Variants in PTPRK observed in about 807,000 individuals in gnomAD.
PTPRK encodes protein tyrosine phosphatase receptor type K.
Under a neutral mutation model 178.0 loss-of-function variants are expected in PTPRK, and 75 were observed. That is an observed-to-expected ratio of 0.42 (90% CI 0.35 to 0.51). The LOEUF is 0.51. PTPRK is among the 20% of genes least tolerant of loss of function. The pLI, the probability that PTPRK is intolerant of heterozygous loss-of-function variation, is 0.02. For missense variants in PTPRK, 1,441 were observed against 1,797.8 expected (o/e 0.80, Z 3.59); for synonymous variants, 637 against 620.6 (o/e 1.03, Z -0.39).
chr6:128,332,391 G>A (rs1830390286), intron 2 of PTPRK, among the ~76,000 whole-genome samples: 1 of 152,080 alleles, frequency 6.6e-6, no homozygotes, highest in Admixed American at 6.5e-5. Flanking sequence ...TTTATCCTGG[G>A]CAAATAATTT....
chr6:128,288,396 T>C (rs1373910585), intron 3 of PTPRK, among the ~76,000 whole-genome samples: 1 of 152,194 alleles, frequency 6.6e-6, no homozygotes, highest in African/African-American at 2.4e-5. Context: ...CCCCATTTCA[T>C]GTGAAAATAT....
intron 22 of PTPRK, among the ~76,000 whole-genome samples, chr6:127,984,701 T>C (rs1445391386): frequency 6.6e-6 from 1 of 152,230 alleles, no homozygotes; most frequent in African/African-American, 2.4e-5. Context: ...TCTCTTAAAC[T>C]CACTGTTCTT....
intron 21 of PTPRK, among the ~76,000 whole-genome samples, chr6:127,989,808 A>G (rs1179782380): frequency 1.6e-5 from 2 of 123,884 alleles, no homozygotes; most frequent in Non-Finnish European, 3.4e-5. Flanking sequence ...TTCTTCAGAG[A>G]TTCTAGTTTT....
chr6:128,292,310 A>T (rs956074432), intron 3 of PTPRK, among the ~76,000 whole-genome samples: 44 of 152,232 alleles, frequency 2.9e-4, no homozygotes, highest in African/African-American at 1.0e-3. Flanking sequence ...TATTGTAAAC[A>T]TAAATCTTCT....
intron 1 of PTPRK, among the ~76,000 whole-genome samples, chr6:128,494,843 T>C (rs1854425324): frequency 6.6e-6 from 1 of 152,340 alleles, no homozygotes; most frequent in African/African-American, 2.4e-5. Context: ...ATTAAAACTG[T>C]CATAACGCCC....
At chr6:128,158,432 T>C (rs981710891) in intron 7 of PTPRK, among the ~76,000 whole-genome samples, 3 of 151,822 alleles carry the variant, frequency 2.0e-5, no homozygotes, top group African/African-American at 7.3e-5. Flanking sequence ...AAAGTATCTA[T>C]AAGGAAATGA....
At chr6:128,439,915 CTA>C (rs1168053895) in intron 1 of PTPRK, among the ~76,000 whole-genome samples, 1 of 152,220 alleles carries the variant, frequency 6.6e-6, no homozygotes, top group Admixed American at 6.5e-5. Flanking sequence ...ATATCCCACC[CTA>C]TCTTTTCCTT....
chr6:128,274,276 GAATAC>G (rs1820377258), intron 3 of PTPRK, among the ~76,000 whole-genome samples: 1 of 152,054 alleles, frequency 6.6e-6, no homozygotes, highest in Non-Finnish European at 1.5e-5. Flanking sequence ...CTACAACACA[GAATAC>G]AGGGTTTACT....
chr6:128,381,440 T>C (rs1019959577), intron 2 of PTPRK, among the ~76,000 whole-genome samples: 1 of 152,148 alleles, frequency 6.6e-6, no homozygotes, highest in African/African-American at 2.4e-5. Flanking sequence ...TAATTCCTAA[T>C]GAGCTACTGA....
intron 18 of PTPRK, 41 bp downstream of exon 18, chr6:127,995,421 A>G (rs552180143): frequency 6.7e-7 from 1 of 1,486,042 alleles, no homozygotes; most frequent in East Asian, 2.3e-5. Flanking sequence ...TCATATATAT[A>G]AGCCAATAAA....
At chr6:128,214,338 A>G (rs546230784) in intron 6 of PTPRK, among the ~76,000 whole-genome samples, 1 of 152,198 alleles carries the variant, frequency 6.6e-6, no homozygotes, top group South Asian at 2.1e-4. Flanking sequence ...TAGTATGGTA[A>G]CACCCTTCTC....
intron 2 of PTPRK, among the ~76,000 whole-genome samples, chr6:128,326,798 T>C (rs1829638604): frequency 6.6e-6 from 1 of 152,142 alleles, no homozygotes; most frequent in Admixed American, 6.5e-5. Flanking sequence ...GTACAGTTTC[T>C]GAGAGTTCTA....
At chr6:128,456,530 G>A (rs748372550) in intron 1 of PTPRK, among the ~76,000 whole-genome samples, 8 of 150,234 alleles carry the variant, frequency 5.3e-5, no homozygotes, top group Non-Finnish European at 1.0e-4. Context: ...AAAAAAGGAA[G>A]GCAAAGTACC....
chr6:128,228,710 TA>T (rs1199184164), intron 5 of PTPRK, among the ~76,000 whole-genome samples: 96 of 143,948 alleles, frequency 6.7e-4, no homozygotes, highest in Admixed American at 1.5e-3. Flanking sequence ...TTTTCTAAAA[TA>T]AAAAAAAAGT....
At chr6:128,020,528 T>C (rs1233409715) in intron 13 of PTPRK, among the ~76,000 whole-genome samples, 3 of 152,172 alleles carry the variant, frequency 2.0e-5, no homozygotes, top group African/African-American at 7.2e-5. Context: ...ATCCAGGTAC[T>C]GTATGTAATT....
chr6:128,515,637 T>C (rs1196585341), intron 1 of PTPRK, among the ~76,000 whole-genome samples: 8 of 152,190 alleles, frequency 5.3e-5, no homozygotes, highest in African/African-American at 1.7e-4. Flanking sequence ...TAGGACTTTT[T>C]TCCTCTTCTA....
intron 2 of PTPRK, among the ~76,000 whole-genome samples, chr6:128,335,869 C>T (rs536887756): frequency 8.5e-5 from 13 of 152,092 alleles, no homozygotes; most frequent in Non-Finnish European, 1.6e-4. Flanking sequence ...TAGTGGTCTC[C>T]AATAATTGAG....
chr6:128,386,010 A>C (rs1410274282), intron 2 of PTPRK, among the ~76,000 whole-genome samples: 1 of 152,204 alleles, frequency 6.6e-6, no homozygotes, highest in African/African-American at 2.4e-5. Flanking sequence ...TTTGTTTGGG[A>C]GATTTTCAGT....
At chr6:128,275,575 G>A (rs1206623974) in intron 3 of PTPRK, among the ~76,000 whole-genome samples, 1 of 151,920 alleles carries the variant, frequency 6.6e-6, no homozygotes. Flanking sequence ...AGTAATGAGA[G>A]GTTAAAAGGG....
Sources: gnomAD v4.1 joint callset for allele counts (sites outside exome capture counted in the v4.1 genomes callset) on GRCh38, gnomAD v4.1.1 for gene constraint, MANE v1.5 for transcripts, NCBI Gene and HGNC (gene_info 2026-07-23, HGNC 2026-07-21) for gene names.